NFIB: variants seen among roughly 807,000 people sequenced by gnomAD.
NFIB encodes the protein nuclear factor 1 B-type.
In NFIB, 11 loss-of-function variants were observed where a neutral mutation model predicts 61.5. The observed-to-expected ratio is 0.18, with a 90% CI of 0.11 to 0.30. The LOEUF (loss-of-function observed/expected upper bound fraction) is 0.30. NFIB is among the 10% of genes least tolerant of loss of function. The pLI is 1.00. For missense variants in NFIB, 471 were observed against 608.9 expected (o/e 0.77, Z 2.38); for synonymous variants, 260 against 216.5 (o/e 1.20, Z -1.76).
At chr9:14,223,461 T>C (rs1018693981) in intron 2 of NFIB, among the ~76,000 whole-genome samples, 1 of 152,246 alleles carries the variant, frequency 6.6e-6, no homozygotes. Context: ...GAAACAAATT[T>C]AAATAGAACA....
chr9:14,483,075 T>C, the NFIB span, among the ~76,000 whole-genome samples: 1 of 152,162 alleles, frequency 6.6e-6, no homozygotes, highest in Non-Finnish European at 1.5e-5. Flanking sequence ...CACAGGAAAA[T>C]GGCCCTTCTG....
chr9:14,499,323 C>G, the NFIB span, among the ~76,000 whole-genome samples: 1 of 151,998 alleles, frequency 6.6e-6, no homozygotes, highest in East Asian at 1.9e-4. Flanking sequence ...AGGACCCAGC[C>G]CAAGGAGAAA....
At chr9:14,461,193 T>C in the NFIB span, among the ~76,000 whole-genome samples, 2 of 152,090 alleles carry the variant, frequency 1.3e-5, no homozygotes, top group African/African-American at 4.8e-5. Context: ...CTCAGTAGAT[T>C]GTGAGGTCTT....
At chr9:14,299,368 T>C (rs969520679) in intron 2 of NFIB, among the ~76,000 whole-genome samples, 5 of 152,236 alleles carry the variant, frequency 3.3e-5, no homozygotes, top group African/African-American at 1.2e-4. Flanking sequence ...AATGCTTTTA[T>C]GTAGTTTTAT....
chr9:14,439,061 T>C, the NFIB span, among the ~76,000 whole-genome samples: 1 of 152,180 alleles, frequency 6.6e-6, no homozygotes, highest in Non-Finnish European at 1.5e-5. Context: ...CCAATCCCTG[T>C]GGAGCTACTT....
At chr9:14,400,892 G>C (rs763113879), upstream of NFIB, among the ~76,000 whole-genome samples, 14 of 152,330 alleles carry the variant, frequency 9.2e-5, no homozygotes, top group South Asian at 1.9e-3. Context: ...GCAATGGCTT[G>C]GCAAAGGCCT....
At chr9:14,233,497 G>A (rs1270164706) in intron 2 of NFIB, among the ~76,000 whole-genome samples, 8 of 147,496 alleles carry the variant, frequency 5.4e-5, no homozygotes, top group South Asian at 4.3e-4. Context: ...GTGCGATCTC[G>A]GCTCACTGCA....
chr9:14,445,406 C>T, the NFIB span, among the ~76,000 whole-genome samples: 10 of 152,086 alleles, frequency 6.6e-5, no homozygotes, highest in African/African-American at 9.7e-5. Context: ...CCATTACTAT[C>T]ATTAACTATA....
intron 1 of NFIB, among the ~76,000 whole-genome samples, chr9:14,346,013 A>C (rs2061013066): frequency 6.6e-6 from 1 of 152,174 alleles, no homozygotes; most frequent in African/African-American, 2.4e-5. Context: ...TACAGGGACC[A>C]GCCTAGCGGG....
intron 2 of NFIB, among the ~76,000 whole-genome samples, chr9:14,195,994 G>A (rs2048426873): frequency 6.6e-6 from 1 of 152,012 alleles, no homozygotes; most frequent in South Asian, 2.1e-4. Context: ...TAAATTAGCT[G>A]ATATGATCCA....
At chr9:14,279,761 T>G (rs2058247463) in intron 2 of NFIB, among the ~76,000 whole-genome samples, 2 of 152,176 alleles carry the variant, frequency 1.3e-5, no homozygotes, top group South Asian at 2.1e-4. Flanking sequence ...GAAGAGGCCA[T>G]CTCAGACCTC....
At chr9:14,159,183 A>G (rs1192179693) in intron 3 of NFIB, among the ~76,000 whole-genome samples, 1 of 152,176 alleles carries the variant, frequency 6.6e-6, no homozygotes, top group African/African-American at 2.4e-5. Context: ...CAGACAATAC[A>G]ATGACTATTG....
At chr9:14,123,577 T>C (rs934427413) in intron 7 of NFIB, among the ~76,000 whole-genome samples, 1 of 152,226 alleles carries the variant, frequency 6.6e-6, no homozygotes, top group Non-Finnish European at 1.5e-5. Context: ...GAGTCCTGGA[T>C]CACTTCTTTG....
intron 2 of NFIB, among the ~76,000 whole-genome samples, chr9:14,294,474 G>A (rs1356085545): frequency 6.6e-6 from 1 of 152,164 alleles, no homozygotes; most frequent in Admixed American, 6.5e-5. Flanking sequence ...GCCATCAACA[G>A]CAATCCCAGT....
chr9:14,223,819 G>C lies in NFIB; in HGVS notation c.563-44039C>G, dbSNP rs139837798. Among the ~76,000 whole-genome samples, 87 of 152,238 alleles carry C rather than the reference G, an allele frequency of 5.7e-4. No homozygotes were observed. In the Middle Eastern group the frequency reaches 0.014, roughly 24 times the overall value. On this transcript the variant is annotated intron_variant, in intron 2 of 10. Coordinates refer to ENST00000380953, the MANE Select transcript of NFIB (RefSeq NM_001190737.2). ...AATGGAAATACCTGTGATTGATAGA[G>C]AAGTACAATACTAGGAATCCACCTG...
chr9:14,244,932 G>A (rs2054744203), intron 2 of NFIB, among the ~76,000 whole-genome samples: 1 of 151,990 alleles, frequency 6.6e-6, no homozygotes, highest in Non-Finnish European at 1.5e-5. Context: ...ATGACATTGG[G>A]GTGTCCGGAT....
At chr9:14,119,290 AC>A (rs2119134570) in intron 8 of NFIB, among the ~76,000 whole-genome samples, 1 of 152,122 alleles carries the variant, frequency 6.6e-6, no homozygotes, top group Non-Finnish European at 1.5e-5. Flanking sequence ...AAGTGCTACA[AC>A]ATTTTAACAT....
intron 6 of NFIB, among the ~76,000 whole-genome samples, chr9:14,130,069 G>C (rs1346363131): frequency 2.0e-5 from 3 of 152,004 alleles, no homozygotes; most frequent in Non-Finnish European, 4.4e-5. Context: ...CCAAAAATTT[G>C]ACTTTTTTTT....
chr9:14,155,549 A>G (rs1465312412), intron 4 of NFIB, among the ~76,000 whole-genome samples: 2 of 152,208 alleles, frequency 1.3e-5, no homozygotes, highest in African/African-American at 4.8e-5. Context: ...ATGGCCATCT[A>G]TGGTCATGCA....
Sources: allele counts gnomAD v4.1 joint callset (sites outside exome capture counted in the v4.1 genomes callset), GRCh38; gene constraint gnomAD v4.1.1; transcripts MANE v1.5; gene names NCBI Gene and HGNC (gene_info 2026-07-23, HGNC 2026-07-21).